Variants in DNAAF9 observed in about 807,000 individuals in gnomAD.
DNAAF9 encodes dynein axonemal assembly factor 9, also known as shulin.
A neutral mutation model predicts 167.0 loss-of-function variants in DNAAF9; 90 were observed. That is an observed-to-expected ratio of 0.54 (90% CI 0.45 to 0.64). The LOEUF (loss-of-function observed/expected upper bound fraction) is 0.64. Ranked by LOEUF, DNAAF9 falls within the 30% of genes least tolerant of loss-of-function variation. The probability of loss-of-function intolerance (pLI) is 0.00; values close to 1 mark genes in which losing one functional copy is unlikely to be tolerated. For missense variants in DNAAF9, 1,315 were observed against 1,442.2 expected (o/e 0.91, Z 1.43); for synonymous variants, 491 against 508.8 (o/e 0.96, Z 0.47).
chr20:3,273,636 A>T, intron 29 of DNAAF9, among the ~76,000 whole-genome samples: 1 of 152,120 alleles, frequency 6.6e-6, no homozygotes, highest in East Asian at 1.9e-4. Flanking sequence ...TCACAAGGAC[A>T]GCACCAAGCC....
intron 1 of DNAAF9, among the ~76,000 whole-genome samples, chr20:3,386,858 A>G (rs1437508405): frequency 3.3e-5 from 5 of 152,206 alleles, no homozygotes; most frequent in Non-Finnish European, 5.9e-5. Context: ...CCCTATGACA[A>G]CATGTTCGAC....
At position 3,252,688 on chromosome 20, in the gene DNAAF9, G is replaced by C; in HGVS notation, c.3422-4C>G. The C allele has an allele frequency of 6.5e-7, 1 of 1,527,428 alleles. No homozygotes were observed. Among genetic ancestry groups the C allele is most frequent in the Non-Finnish European group, 9.1e-7 (1 of 1,100,814 alleles). The allele number at this position is 1,527,428 out of a possible 1,614,324, so 94.6% of individuals were successfully genotyped here. ...TCATTCATGAACTGGTCCATGACTG[G>C]TATCTCATTAAGGAAGAGAGCTCTG... On this transcript the variant is annotated splice_polypyrimidine_tract_variant and splice_region_variant and intron_variant, in intron 36 of 36. Coordinates refer to ENST00000252032, the MANE Select transcript of DNAAF9 (RefSeq NM_001009984.3).
In DNAAF9 at chr20:3,287,065, G is replaced by A. The variant is rs533496128; in HGVS notation, c.2486+567C>T. ...CAAGCTCTGTCAAACCTGCCCTCCC[G>A]TGTTGCACACTCAAAATAATCATGC... is the stretch of plus-strand genomic sequence containing the variant. On this transcript the variant is annotated intron_variant, in intron 27 of 36. Transcript: ENST00000252032. Among the ~76,000 whole-genome samples, 10 of 152,280 alleles carry A rather than the reference G, an allele frequency of 6.6e-5. No individual in the cohort carries two copies. The South Asian group carries it at 1.0e-3, about 16-fold the overall frequency.
At position 3,296,541 on chromosome 20, in the gene DNAAF9, C is replaced by T. The variant is rs528807524; in HGVS notation, c.2018+320G>A. 3 of 319,168 alleles carry T rather than the reference C, an allele frequency of 9.4e-6. No homozygotes were observed. The East Asian group carries it at 2.0e-4, about 21-fold the overall frequency. The allele number at this position is 319,168 out of a possible 1,614,324, so 19.8% of individuals were successfully genotyped here. ...TACAGGCATGTGCCACCATACCCAG[C>T]TAATTTTTTATTTTTTGTAGGGACG... On this transcript the variant is annotated intron_variant, in intron 23 of 36. Transcript: ENST00000252032.
rs1313369015 is a variant in DNAAF9, at chr20:3,315,624, T to C, written c.1590+111A>G. On this transcript the variant is annotated intron_variant, in intron 19 of 36. Coordinates refer to ENST00000252032, the MANE Select transcript of DNAAF9 (RefSeq NM_001009984.3). The surrounding 1 kb of genome is among the most constrained non-coding windows in gnomAD (Gnocchi z 4.1). ...ATGCAAATAGGAAGTGAAGACAACATAGTGCAAGTCTTTTAGATTAGTAGT... is the reference window on the plus strand; with the variant it reads ...ATGCAAATAGGAAGTGAAGACAACACAGTGCAAGTCTTTTAGATTAGTAGT... The C allele has an allele frequency of 1.2e-5, 10 of 850,502 alleles. No individual in the cohort carries two copies. Among genetic ancestry groups the C allele is most frequent in the African/African-American group, 5.0e-5 (3 of 59,786 alleles). The allele number at this position is 850,502 out of a possible 1,614,324, so 52.7% of individuals were successfully genotyped here.
intron 9 of DNAAF9, among the ~76,000 whole-genome samples, chr20:3,342,490 T>C (rs1301646210): frequency 6.6e-6 from 1 of 152,226 alleles, no homozygotes; most frequent in Non-Finnish European, 1.5e-5. Context: ...TCTTGATTGG[T>C]ATGTCGTAGT....
At chr20:3,256,335 T>G in intron 33 of DNAAF9, 124 bp from the exon 34 acceptor site, 1 of 715,892 alleles carries the variant, frequency 1.4e-6, no homozygotes, top group Non-Finnish European at 2.4e-6. Context: ...AGAACTGATG[T>G]GACTGGTGGC....
At position 3,252,573 on chromosome 20, in the gene DNAAF9, T is replaced by G; in HGVS notation, c.3533A>C (p.Ter1178SerextTer55). The change falls in exon 37 of 37, where the codon TAG becomes TCG. Residue 1178 changes from the stop codon to serine (S), a stop_lost. Transcript: ENST00000252032. ...EYHDLFELKP[*>S] Reference sequence around the variant, plus strand: ...AGGACGTACGGGCCCAGCCTTCCTCTAGGGCTTCAGCTCAAAGAGGTCATG... The same window carrying G: ...AGGACGTACGGGCCCAGCCTTCCTCGAGGGCTTCAGCTCAAAGAGGTCATG... The G allele has an allele frequency of 6.5e-7, 1 of 1,547,552 alleles. No homozygotes were observed. Among genetic ancestry groups the G allele is most frequent in the East Asian group, 2.2e-5 (1 of 44,570 alleles).
chr20:3,253,612 G>C (rs1215645020), intron 36 of DNAAF9, 114 bp downstream of exon 36: 1 of 708,286 alleles, frequency 1.4e-6, no homozygotes, highest in Non-Finnish European at 2.6e-6. Flanking sequence ...CATGCAGAGT[G>C]CTCCTGGGGC....
At position 3,250,789 on chromosome 20, in the gene DNAAF9, G is replaced by A. The variant is rs1200247715; in HGVS notation, c.*1783C>T. ...TTAAAACTTCACAGCAGCCCACTTAGAGAAATGGCCTGTGGTTCCCACCCC... is the reference window on the plus strand; with the variant it reads ...TTAAAACTTCACAGCAGCCCACTTAAAGAAATGGCCTGTGGTTCCCACCCC... On this transcript the variant is annotated 3_prime_UTR_variant, in exon 37 of 37. Transcript: ENST00000252032. The A allele has an allele frequency of 3.9e-5, 6 of 152,248 alleles. No homozygotes were observed. Among genetic ancestry groups the A allele is most frequent in the Non-Finnish European group, 8.8e-5 (6 of 68,048 alleles). The allele number at this position is 152,248 out of a possible 1,614,324, so 9.4% of individuals were successfully genotyped here.
Position 3,281,627 on chromosome 20 carries a change from T to C in DNAAF9, c.2612+14A>G. ...TCACTTTCAGTACACTTACACACCA[T>C]ATCCTGTATCTACCTGTGCTCCATG... is the stretch of plus-strand genomic sequence containing the variant. On this transcript the variant is annotated intron_variant, in intron 28 of 36. Coordinates refer to ENST00000252032, the MANE Select transcript of DNAAF9 (RefSeq NM_001009984.3). 1.9e-6 allele frequency: 3 copies of C among 1,596,726 alleles called. No individual in the cohort carries two copies. Among genetic ancestry groups the C allele is most frequent in the Non-Finnish European group, 2.6e-6 (3 of 1,173,644 alleles).
intron 1 of DNAAF9, among the ~76,000 whole-genome samples, chr20:3,393,024 C>T (rs188687738): frequency 2.6e-5 from 4 of 152,230 alleles, no homozygotes; most frequent in Non-Finnish European, 4.4e-5. Flanking sequence ...TAAAATATGT[C>T]ACTGCTCTGC....
chr20:3,365,875 C>A (rs1445188700), intron 6 of DNAAF9, among the ~76,000 whole-genome samples: 2 of 152,210 alleles, frequency 1.3e-5, no homozygotes, highest in Non-Finnish European at 2.9e-5. Flanking sequence ...CTTTACTCAT[C>A]CATAAGAAGC....
At chr20:3,287,434 C>T (rs967488072) in intron 27 of DNAAF9, among the ~76,000 whole-genome samples, 198 bp downstream of exon 27, 3 of 152,242 alleles carry the variant, frequency 2.0e-5, no homozygotes, top group African/African-American at 7.2e-5. Flanking sequence ...AAACTTAAAA[C>T]TTGTGTGCAA....
chr20:3,290,310 T>C, intron 25 of DNAAF9, 93 bp from the exon 26 acceptor site: 1 of 829,606 alleles, frequency 1.2e-6, no homozygotes, highest in South Asian at 1.4e-5. Flanking sequence ...CCAAGCATTG[T>C]GGGTGTGAAC....
chr20:3,318,784 A>G (rs1168484106), intron 16 of DNAAF9, among the ~76,000 whole-genome samples: 2 of 152,054 alleles, frequency 1.3e-5, no homozygotes, highest in African/African-American at 4.8e-5. Context: ...CCACTCTACT[A>G]AAGAAAAAAT....
chr20:3,316,635 C>G, intron 18 of DNAAF9, 88 bp downstream of exon 18: 1 of 886,268 alleles, frequency 1.1e-6, no homozygotes, highest in East Asian at 2.5e-5. Context: ...GACATCCCAC[C>G]AGGGGCCCAA....
At chr20:3,405,526 T>A (rs1315603608) in intron 1 of DNAAF9, among the ~76,000 whole-genome samples, 1 of 152,206 alleles carries the variant, frequency 6.6e-6, no homozygotes, top group African/African-American at 2.4e-5. Context: ...ACCAAAGGTA[T>A]TGGGGGCAGC....
In DNAAF9 at chr20:3,340,638, G is replaced by T; in HGVS notation, c.847C>A (p.Pro283Thr). The T allele has an allele frequency of 6.2e-7, 1 of 1,613,944 alleles. No homozygotes were observed. Residue 283 changes from proline (P) to threonine (T), a missense_variant and splice_region_variant, in exon 10 of 37, where the codon CCT (proline) becomes ACT (threonine). Pro to Thr is a conservative substitution (Grantham distance 38, BLOSUM62 -1). Coordinates refer to ENST00000252032, the MANE Select transcript of DNAAF9 (RefSeq NM_001009984.3). ...AAGAGAACAAATGGCTGCCGGTTAG[G>T]GCTAGAGAGGGAAGTCAAAAACATG... is the stretch of plus-strand genomic sequence containing the variant. ...MISSHITENS[P>T]NRQPFVLFGN...
Sources: allele counts gnomAD v4.1 joint callset (sites outside exome capture counted in the v4.1 genomes callset), GRCh38; gene constraint gnomAD v4.1.1; non-coding constraint Gnocchi (gnomAD v3.1); transcripts MANE v1.5; gene names NCBI Gene and HGNC (gene_info 2026-07-23, HGNC 2026-07-21).